Variants in ERC2 observed in about 807,000 individuals in gnomAD.
ERC2 encodes the protein ELKS/RAB6-interacting/CAST family member 2.
Under a neutral mutation model 114.8 loss-of-function variants are expected in ERC2, and 42 were observed. The observed-to-expected ratio is 0.37, with a 90% CI of 0.29 to 0.47. The LOEUF (loss-of-function observed/expected upper bound fraction) is 0.47, where lower values mean the gene tolerates loss of function less well. ERC2 is among the 20% of genes least tolerant of loss of function. The probability of loss-of-function intolerance (pLI) is 0.99; values close to 1 mark genes in which losing one functional copy is unlikely to be tolerated. For missense variants in ERC2, 939 were observed against 1,150.7 expected (o/e 0.82, Z 2.66); for synonymous variants, 454 against 425.5 (o/e 1.07, Z -0.82).
At chr3:56,265,696 A>G (rs764024641) in intron 3 of ERC2, among the ~76,000 whole-genome samples, 41 of 152,184 alleles carry the variant, frequency 2.7e-4, no homozygotes, top group Non-Finnish European at 4.1e-4. Context: ...TGTGAACCAT[A>G]TATCTGATAA....
chr3:56,080,159 T>C (rs1170969260), intron 7 of ERC2, among the ~76,000 whole-genome samples: 1 of 152,180 alleles, frequency 6.6e-6, no homozygotes, highest in East Asian at 1.9e-4. Flanking sequence ...GGATACTCAA[T>C]GGCCCCACTA....
chr3:56,135,251 C>A (rs1371345851), intron 6 of ERC2, among the ~76,000 whole-genome samples: 1 of 151,986 alleles, frequency 6.6e-6, no homozygotes, highest in Non-Finnish European at 1.5e-5. Context: ...CCACACCTGG[C>A]CAGAAATAAA....
chr3:56,007,685 T>G (rs1265887155), intron 9 of ERC2, among the ~76,000 whole-genome samples: 2 of 152,044 alleles, frequency 1.3e-5, no homozygotes, highest in Non-Finnish European at 2.9e-5. Context: ...TATGCAGACA[T>G]TGAGACAAAT....
intron 15 of ERC2, among the ~76,000 whole-genome samples, chr3:55,718,362 A>G (rs2064247756): frequency 6.6e-6 from 1 of 152,226 alleles, no homozygotes; most frequent in Admixed American, 6.5e-5. Context: ...CGCATGACTG[A>G]CCACCAAACT....
chr3:55,843,524 T>A (rs921194219), intron 14 of ERC2, among the ~76,000 whole-genome samples: 8 of 152,250 alleles, frequency 5.3e-5, no homozygotes, highest in Non-Finnish European at 8.8e-5. Flanking sequence ...ATGGTGCAAG[T>A]TCAAGAAGAG....
At chr3:56,306,764 C>T (rs375617999) in intron 2 of ERC2, among the ~76,000 whole-genome samples, 3 of 152,234 alleles carry the variant, frequency 2.0e-5, no homozygotes, top group African/African-American at 7.2e-5. Context: ...GTGTAACAGC[C>T]CAGACTCTGG....
chr3:55,625,548 G>C (rs1395467722), intron 17 of ERC2, among the ~76,000 whole-genome samples: 1 of 151,908 alleles, frequency 6.6e-6, no homozygotes, highest in Admixed American at 6.6e-5. Flanking sequence ...TCAGGAGATC[G>C]AGACCTTCTT....
At chr3:55,553,253 C>A (rs1336351368) in intron 17 of ERC2, among the ~76,000 whole-genome samples, 1 of 151,658 alleles carries the variant, frequency 6.6e-6, no homozygotes, top group Non-Finnish European at 1.5e-5. Flanking sequence ...AACTTCTGAC[C>A]TTGTGATCCA....
intron 15 of ERC2, among the ~76,000 whole-genome samples, chr3:55,706,225 A>G (rs560297016): frequency 3.9e-5 from 6 of 152,304 alleles, no homozygotes; most frequent in African/African-American, 1.4e-4. Context: ...CTGTTTGACT[A>G]TAGCAGAAAA....
chr3:55,817,406 CA>C (rs754324631), intron 14 of ERC2, among the ~76,000 whole-genome samples: 131 of 152,334 alleles, frequency 8.6e-4, no homozygotes, highest in Middle Eastern at 6.8e-3. Context: ...TGACTTGTGC[CA>C]CAGCATCCCC....
chr3:55,752,092 T>C (rs964313795), intron 14 of ERC2, among the ~76,000 whole-genome samples: 3 of 152,140 alleles, frequency 2.0e-5, no homozygotes, highest in Admixed American at 6.5e-5. Context: ...CCTCCAGGCT[T>C]AATGGAAAAA....
intron 1 of ERC2, among the ~76,000 whole-genome samples, chr3:56,462,594 G>A (rs115436933): frequency 0.014 from 2,149 of 152,206 alleles, 49 homozygotes; most frequent in African/African-American, 0.049. Flanking sequence ...TACTTGTCCT[G>A]CACAGCCAGA....
intron 2 of ERC2, among the ~76,000 whole-genome samples, chr3:56,342,328 CTA>C (rs2058120600): frequency 6.6e-6 from 1 of 152,360 alleles, no homozygotes; most frequent in Middle Eastern, 3.4e-3. Flanking sequence ...ACTTCATTCA[CTA>C]AGTTATGCCA....
chr3:55,512,538 A>T (rs1207708586), intron 17 of ERC2, among the ~76,000 whole-genome samples: 1 of 152,216 alleles, frequency 6.6e-6, no homozygotes. Context: ...TGACCAATAT[A>T]TTAAAAGGCC....
intron 14 of ERC2, among the ~76,000 whole-genome samples, chr3:55,752,534 T>C (rs997195681): frequency 1.3e-5 from 2 of 152,220 alleles, no homozygotes; most frequent in African/African-American, 4.8e-5. Flanking sequence ...GGACAGGCCA[T>C]AGAGCCTACA....
At chr3:56,231,685 G>A (rs1218846620) in intron 3 of ERC2, among the ~76,000 whole-genome samples, 2 of 152,056 alleles carry the variant, frequency 1.3e-5, no homozygotes, top group Non-Finnish European at 2.9e-5. Context: ...TCTTTTTTGA[G>A]CCATAGAGAA....
chr3:55,965,351 G>T (rs1482365456), intron 12 of ERC2, among the ~76,000 whole-genome samples: 1 of 152,200 alleles, frequency 6.6e-6, no homozygotes, highest in African/African-American at 2.4e-5. Context: ...CTGTAAAAGT[G>T]ATTTTTAAAT....
chr3:55,712,905 C>A (rs1010770768), intron 15 of ERC2, among the ~76,000 whole-genome samples: 1 of 152,252 alleles, frequency 6.6e-6, no homozygotes, highest in South Asian at 2.1e-4. Context: ...TGCATCAAGG[C>A]TCCTTTGAGA....
At chr3:56,161,577 C>T (rs2082050956) in intron 4 of ERC2, among the ~76,000 whole-genome samples, 1 of 152,132 alleles carries the variant, frequency 6.6e-6, no homozygotes, top group South Asian at 2.1e-4. Context: ...TTTCTTTGAG[C>T]AGTGTTTTGC....
Sources: gnomAD v4.1 joint callset for allele counts (sites outside exome capture counted in the v4.1 genomes callset) on GRCh38, gnomAD v4.1.1 for gene constraint, MANE v1.5 for transcripts, NCBI Gene and HGNC (gene_info 2026-07-23, HGNC 2026-07-21) for gene names.